The following VAV1 variants were observed in gnomAD, a reference collection of about 807,000 sequenced individuals.
VAV1 encodes the protein proto-oncogene vav.
In VAV1, 33 loss-of-function variants were observed where a neutral mutation model predicts 128.1. The observed-to-expected ratio is 0.26, with a 90% CI of 0.20 to 0.34. The LOEUF (loss-of-function observed/expected upper bound fraction) is 0.34. Ranked by LOEUF, VAV1 falls within the 10% of genes least tolerant of loss-of-function variation. The pLI is 1.00. For missense variants in VAV1, 715 were observed against 1,093.7 expected, an observed-to-expected ratio of 0.65 and a Z score of 4.88; for synonymous variants, 394 against 409.8, an observed-to-expected ratio of 0.96 and a Z score of 0.47.
In VAV1 at chr19:6,828,786, C is replaced by G. The variant is rs1371457775; in HGVS notation, c.1180-29C>G. On this transcript the variant is annotated intron_variant, in intron 12 of 26. Transcript: ENST00000602142. The surrounding 1 kb of genome is among the most constrained non-coding windows in gnomAD (Gnocchi z 4.5). Reference sequence around the variant, plus strand: ...GTGTCTGGCTCCTTTCTTGGGAGACCCTTGCTAGACCCCCTGCCTACTGCA... The same window carrying G: ...GTGTCTGGCTCCTTTCTTGGGAGACGCTTGCTAGACCCCCTGCCTACTGCA... 6.2e-7 allele frequency: 1 copy of G among 1,613,900 alleles called. No individual in the cohort carries two copies. The highest frequency in any genetic ancestry group is 8.5e-7 in the Non-Finnish European group (1 of 1,179,982).
At chr19:6,801,896 T>C (rs941571596) in intron 1 of VAV1, among the ~76,000 whole-genome samples, 2 of 152,226 alleles carry the variant, frequency 1.3e-5, no homozygotes, top group South Asian at 4.2e-4. Context: ...AGAATGAACC[T>C]CAGGGTTCAC....
At chr19:6,801,614 G>C (rs1971271167) in intron 1 of VAV1, among the ~76,000 whole-genome samples, 1 of 151,944 alleles carries the variant, frequency 6.6e-6, no homozygotes. Context: ...AACGCAAAGG[G>C]CCCCTCCACC....
At position 6,825,421 on chromosome 19, in the gene VAV1, G is replaced by A; in HGVS notation, c.827+15G>A. ...TACAAGGAGAGGTGAGACCCAGCTG[G>A]CCAGACTGAAGCTCTGGGGTCACTC... is the stretch of plus-strand genomic sequence containing the variant. On this transcript the variant is annotated intron_variant, in intron 8 of 26. Transcript: ENST00000602142. The A allele has an allele frequency of 1.9e-6, 3 of 1,603,712 alleles. No homozygotes were observed. Among genetic ancestry groups the A allele is most frequent in the Non-Finnish European group, 2.6e-6 (3 of 1,172,274 alleles).
intron 26 of VAV1, 56 bp downstream of exon 26, chr19:6,854,154 A>G (rs750242990): frequency 1.5e-5 from 24 of 1,592,958 alleles, no homozygotes; most frequent in Non-Finnish European, 1.9e-5. Flanking sequence ...CTGGTGGTGG[A>G]CGAGACTGGA....
chr19:6,844,288 G>A (rs1380102152), intron 22 of VAV1, among the ~76,000 whole-genome samples: 3 of 151,114 alleles, frequency 2.0e-5, no homozygotes, highest in Non-Finnish European at 3.0e-5. Flanking sequence ...GCGTGATCTC[G>A]GCTCACTGCA....
intron 1 of VAV1, among the ~76,000 whole-genome samples, chr19:6,786,136 G>C (rs1168498891): frequency 6.6e-6 from 1 of 152,094 alleles, no homozygotes; most frequent in Non-Finnish European, 1.5e-5. Context: ...CAAATGTCAA[G>C]GCAAGGATTT....
intron 1 of VAV1, among the ~76,000 whole-genome samples, chr19:6,788,624 C>T (rs1340531890): frequency 3.9e-5 from 6 of 152,126 alleles, no homozygotes; most frequent in South Asian, 2.1e-4. Context: ...CTGCCCACCT[C>T]GGCCTCCCCA....
intron 1 of VAV1, among the ~76,000 whole-genome samples, chr19:6,789,260 C>CTTTTTTT (rs771682522): frequency 6.9e-6 from 1 of 144,936 alleles, no homozygotes; most frequent in Admixed American, 6.9e-5. Flanking sequence ...CTCCTTTCTT[C>CTTTTTTT]TTTTTTTTTT....
intron 1 of VAV1, among the ~76,000 whole-genome samples, chr19:6,796,687 C>T (rs1249191421): frequency 2.0e-5 from 3 of 152,234 alleles, no homozygotes; most frequent in Non-Finnish European, 4.4e-5. Context: ...GCCACTCTCT[C>T]AATGAGGCTT....
chr19:6,814,067 A>C (rs966573170), intron 1 of VAV1, among the ~76,000 whole-genome samples: 5 of 152,130 alleles, frequency 3.3e-5, no homozygotes, highest in Non-Finnish European at 7.4e-5. Flanking sequence ...CTCTAAAAAT[A>C]AATCAATGAA....
Position 6,828,756 on chromosome 19 carries a change from AGT to A in VAV1, c.1180-52_1180-51del. The A allele has an allele frequency of 3.1e-6, 5 of 1,613,708 alleles. No individual in the cohort carries two copies. The highest frequency in any genetic ancestry group is 2.2e-5 in the South Asian group (2 of 91,056). Reference sequence around the variant, plus strand: ...GCCAGGGGTGTGGCCACGTGGGGAGAGTGTGTGTCTGGCTCCTTTCTTGGGAG... The same window carrying A: ...GCCAGGGGTGTGGCCACGTGGGGAGAGTGTGTCTGGCTCCTTTCTTGGGAG... On this transcript the variant is annotated intron_variant, in intron 12 of 26. Transcript: ENST00000602142. The surrounding 1 kb of genome is among the most constrained non-coding windows in gnomAD (Gnocchi z 4.5).
intron 1 of VAV1, among the ~76,000 whole-genome samples, chr19:6,791,337 C>T (rs112923499): frequency 1.3e-5 from 2 of 152,172 alleles, no homozygotes; most frequent in Non-Finnish European, 2.9e-5. Context: ...TCTCGAGGTC[C>T]TTGAGATAAC....
chr19:6,830,564 C>T (rs1380890416), intron 14 of VAV1, among the ~76,000 whole-genome samples: 1 of 151,806 alleles, frequency 6.6e-6, no homozygotes, highest in East Asian at 2.0e-4. Flanking sequence ...CTCAGCCTCC[C>T]GAGTAGCTGG....
chr19:6,854,970 G>C (rs1003946386), intron 26 of VAV1, among the ~76,000 whole-genome samples: 1 of 152,164 alleles, frequency 6.6e-6, no homozygotes, highest in African/African-American at 2.4e-5. Flanking sequence ...ATACAAAGAG[G>C]TAGAGCTGGG....
intron 22 of VAV1, among the ~76,000 whole-genome samples, chr19:6,844,307 CT>C (rs917759413): frequency 2.0e-5 from 3 of 151,760 alleles, no homozygotes; most frequent in Non-Finnish European, 2.9e-5. Flanking sequence ...CAACCTCCAC[CT>C]CCCAGGTTCA....
At chr19:6,853,129 G>T (rs1170592660) in intron 25 of VAV1, 50 bp downstream of exon 25, 1 of 1,569,012 alleles carries the variant, frequency 6.4e-7, no homozygotes, top group Non-Finnish European at 8.7e-7. Context: ...TTCCCATTGT[G>T]GAGGGAAACT....
In VAV1 at chr19:6,777,048, C is replaced by T. The variant is rs545670381; in HGVS notation, c.204+4037C>T. Among the ~76,000 whole-genome samples, 1 of 151,946 alleles carries T rather than the reference C, an allele frequency of 6.6e-6. No homozygotes were observed. Among genetic ancestry groups the T allele is most frequent in the Admixed American group, 6.6e-5 (1 of 15,214 alleles). On this transcript the variant is annotated intron_variant, in intron 1 of 26. Transcript: ENST00000602142. The surrounding 1 kb of genome is among the most constrained non-coding windows in gnomAD (Gnocchi z 4.4). ...GGGATTACAGGTGTGAGCCATACGC[C>T]CGGCCCATCCATTCATCTATCTATC...
chr19:6,816,014 C>T (rs1248301131), intron 1 of VAV1, among the ~76,000 whole-genome samples: 2 of 140,010 alleles, frequency 1.4e-5, no homozygotes, highest in Non-Finnish European at 3.0e-5. Flanking sequence ...TCTGTCTCTA[C>T]AAATTTTTTT....
intron 24 of VAV1, 97 bp downstream of exon 24, chr19:6,850,854 G>C: frequency 1.6e-6 from 2 of 1,234,086 alleles, no homozygotes; most frequent in Non-Finnish European, 2.3e-6. Flanking sequence ...CATTCAGGGT[G>C]ACCCCCCTCC....
Sources: gnomAD v4.1 joint callset for allele counts (sites outside exome capture counted in the v4.1 genomes callset) on GRCh38, gnomAD v4.1.1 for gene constraint, Gnocchi (gnomAD v3.1) non-coding constraint, MANE v1.5 for transcripts, NCBI Gene and HGNC (gene_info 2026-07-23, HGNC 2026-07-21) for gene names.